The following AMMECR1 variants were observed in gnomAD, a reference collection of about 807,000 sequenced individuals.
AMMECR1 encodes the protein AMMECR nuclear protein 1.
Under a neutral mutation model 22.5 loss-of-function variants are expected in AMMECR1, and 3 were observed. That is an observed-to-expected ratio of 0.13 (90% CI 0.06 to 0.35). The LOEUF is 0.35. Ranked by LOEUF, AMMECR1 falls within the 10% of genes least tolerant of loss-of-function variation. AMMECR1 has a pLI of 1.00. For missense variants in AMMECR1, 235 were observed against 278.7 expected (o/e 0.84, Z 1.12); for synonymous variants, 130 against 116.7 (o/e 1.11, Z -0.74).
intron 2 of AMMECR1, among the ~76,000 whole-genome samples, chrX:110,246,043 A>C (rs1009982085): frequency 1.8e-5 from 2 of 112,568 alleles, no homozygotes; most frequent in Non-Finnish European, 3.8e-5. Flanking sequence ...TAGAAGTAAT[A>C]TATAGGATGT....
chrX:110,319,842 A>G (rs1224369544), upstream of AMMECR1, among the ~76,000 whole-genome samples: 1 of 112,322 alleles, frequency 8.9e-6, no homozygotes, highest in Non-Finnish European at 1.9e-5. Context: ...CACTAACAAT[A>G]TATGATAACA....
At chrX:110,372,891 G>A (rs957267450) in intron 2 of AMMECR1, among the ~76,000 whole-genome samples, 14 of 111,821 alleles carry the variant, frequency 1.3e-4, no homozygotes, top group Admixed American at 9.5e-4. Context: ...GTAGGGCTTA[G>A]AATTGAGTTA....
chrX:110,228,704 G>A (rs749681604), intron 2 of AMMECR1, among the ~76,000 whole-genome samples: 6 of 110,600 alleles, frequency 5.4e-5, no homozygotes, highest in Non-Finnish European at 1.1e-4. Flanking sequence ...GGGGAGCAGC[G>A]GAGCACCAAC....
intron 2 of AMMECR1, among the ~76,000 whole-genome samples, chrX:110,244,746 A>C (rs1471357448): frequency 1.8e-5 from 2 of 112,008 alleles, no homozygotes; most frequent in African/African-American, 6.5e-5. Flanking sequence ...AACTGACTAA[A>C]CCTTATGTCA....
In AMMECR1 at chrX:110,196,529, A is replaced by G. The variant is rs932879042; in HGVS notation, c.*1991T>C. 1 of 110,274 alleles carries G rather than the reference A, an allele frequency of 9.1e-6. No individual in the cohort carries two copies. Among genetic ancestry groups the G allele is most frequent in the Non-Finnish European group, 1.9e-5 (1 of 52,752 alleles). 9.1% of individuals were successfully genotyped at this position (110,274 alleles called of 1,213,427 possible). A position where few individuals can be genotyped will look rare whatever the true frequency, so the allele number is the denominator to read the frequency against. On this transcript the variant is annotated 3_prime_UTR_variant, in exon 6 of 6. Coordinates refer to ENST00000262844, the MANE Select transcript of AMMECR1 (RefSeq NM_015365.3). ...TATACTGAAAGACTAATCTGCTCCA[A>G]AATGCTCCCAAGTAGAAATGACAGG...
chrX:110,322,844 C>T (rs1174537336), upstream of AMMECR1, among the ~76,000 whole-genome samples: 1 of 111,624 alleles, frequency 9.0e-6, no homozygotes, highest in Non-Finnish European at 1.9e-5. Flanking sequence ...GAAGCTCAGT[C>T]GTCTCTCATT....
chrX:110,216,699 C>A, intron 2 of AMMECR1, 67 bp from the exon 3 acceptor site: 2 of 701,169 alleles, frequency 2.9e-6, no homozygotes, highest in African/African-American at 2.2e-5. Flanking sequence ...CAAATGCAAA[C>A]AATTGTTTGA....
chrX:110,272,040 C>A (rs912015145), intron 1 of AMMECR1, among the ~76,000 whole-genome samples: 2 of 109,474 alleles, frequency 1.8e-5, no homozygotes, highest in African/African-American at 6.6e-5. Context: ...ATGGTGAAAC[C>A]CCGTCTCTAC....
At chrX:110,214,604 G>A (rs1373271542) in intron 3 of AMMECR1, among the ~76,000 whole-genome samples, 2 of 111,719 alleles carry the variant, frequency 1.8e-5, no homozygotes, top group Non-Finnish European at 3.8e-5. Flanking sequence ...TGATGTACTC[G>A]GTGCTTAACC....
At chrX:110,415,525 C>T (rs185603115) in intron 2 of AMMECR1, among the ~76,000 whole-genome samples, 91 of 111,347 alleles carry the variant, frequency 8.2e-4, no homozygotes, top group African/African-American at 2.9e-3. Flanking sequence ...ATGGAGGAAT[C>T]GACAACCAAT....
intron 2 of AMMECR1, among the ~76,000 whole-genome samples, chrX:110,399,394 T>C (rs1434744575): frequency 8.9e-6 from 1 of 112,600 alleles, no homozygotes; most frequent in African/African-American, 3.2e-5. Flanking sequence ...AACCCTGTGG[T>C]CTCACTTCCT....
chrX:110,214,515 T>C (rs1180312584), intron 3 of AMMECR1, among the ~76,000 whole-genome samples: 7 of 111,475 alleles, frequency 6.3e-5, no homozygotes, highest in Non-Finnish European at 5.6e-5. Flanking sequence ...AGCTGATGTA[T>C]CTTTTGGACA....
At chrX:110,339,696 A>T (rs998742136) in intron 2 of AMMECR1, among the ~76,000 whole-genome samples, 2 of 109,856 alleles carry the variant, frequency 1.8e-5, no homozygotes, top group East Asian at 5.7e-4. Flanking sequence ...GGGTTTCTCC[A>T]TATTGGTCAG....
At chrX:110,273,356 TC>T (rs2067809562) in intron 1 of AMMECR1, among the ~76,000 whole-genome samples, 1 of 111,980 alleles carries the variant, frequency 8.9e-6, no homozygotes, top group East Asian at 2.8e-4. Context: ...ATGGGGTTTT[TC>T]CCCTCTTGTT....
intron 2 of AMMECR1, among the ~76,000 whole-genome samples, chrX:110,375,225 T>A (rs1236381326): frequency 8.9e-6 from 1 of 111,855 alleles, no homozygotes; most frequent in Admixed American, 9.5e-5. Context: ...CAGGATTCTT[T>A]AGAGTTGAGT....
intron 3 of AMMECR1, among the ~76,000 whole-genome samples, chrX:110,214,654 TCCCCC>T (rs2067464343): frequency 1.8e-5 from 2 of 111,675 alleles, no homozygotes; most frequent in South Asian, 7.5e-4. Flanking sequence ...CCTTTTTCCT[TCCCCC>T]AAAACACATG....
intron 1 of AMMECR1, among the ~76,000 whole-genome samples, chrX:110,291,909 G>A (rs1819087336): frequency 9.0e-6 from 1 of 111,422 alleles, no homozygotes; most frequent in South Asian, 3.8e-4. Flanking sequence ...CCCTATACCA[G>A]CAATACTACA....
chrX:110,309,154 T>C (rs1285484954), intron 1 of AMMECR1: 1 of 111,793 alleles, frequency 8.9e-6, no homozygotes, highest in Non-Finnish European at 1.9e-5. Flanking sequence ...CTAATGTAAC[T>C]AGTACATAAG....
chrX:110,387,075 A>T (rs776157993), intron 2 of AMMECR1, among the ~76,000 whole-genome samples: 8 of 112,170 alleles, frequency 7.1e-5, no homozygotes, highest in Non-Finnish European at 1.3e-4. Flanking sequence ...AGGAGAAGGG[A>T]TCTAAGCAGT....
Sources: gnomAD v4.1 joint callset for allele counts (sites outside exome capture counted in the v4.1 genomes callset) on GRCh38, gnomAD v4.1.1 for gene constraint, MANE v1.5 for transcripts, NCBI Gene and HGNC (gene_info 2026-07-23, HGNC 2026-07-21) for gene names.